The following ROBO2 variants were observed in gnomAD, a reference collection of about 807,000 sequenced individuals.
ROBO2 encodes the protein roundabout guidance receptor 2.
Under a neutral mutation model 160.8 loss-of-function variants are expected in ROBO2, and 53 were observed. The ratio of observed to expected loss-of-function variants is 0.33; its 90% CI spans 0.26 to 0.41. The LOEUF (loss-of-function observed/expected upper bound fraction) is 0.41. Among genes scored for constraint, ROBO2 ranks in the 10% least tolerant of loss-of-function variants. ROBO2 has a pLI of 1.00. For missense variants in ROBO2, 1,577 were observed against 1,722.4 expected, an observed-to-expected ratio of 0.92 and a Z score of 1.49; for synonymous variants, 664 against 611.7, an observed-to-expected ratio of 1.09 and a Z score of -1.26.
At chr3:76,261,394 G>A (rs191572823) in intron 2 of ROBO2, among the ~76,000 whole-genome samples, 11 of 151,806 alleles carry the variant, frequency 7.2e-5, no homozygotes, top group Non-Finnish European at 1.3e-4. Context: ...TGATTTTAAG[G>A]GTGGCACAAA....
chr3:76,506,575 TTC>T (rs2080810059), intron 2 of ROBO2, among the ~76,000 whole-genome samples: 1 of 152,206 alleles, frequency 6.6e-6, no homozygotes, highest in Non-Finnish European at 1.5e-5. Context: ...GCATTATTTT[TTC>T]TGTCTTTATT....
At position 76,887,878 on chromosome 3, in the gene ROBO2, C is replaced by A. The variant is rs372610494; in HGVS notation, c.110-210136C>A. Among the ~76,000 whole-genome samples the A allele has an allele frequency of 2.6e-4, 39 of 152,156 alleles. No individual in the cohort carries two copies. In the East Asian group the frequency reaches 4.3e-3, roughly 17 times the overall value. ...GAGAAGTTTGAGGAATAATTCATTACCTGGGAATTAAAGTAAACCTTGAGC... is the reference window on the plus strand; with the variant it reads ...GAGAAGTTTGAGGAATAATTCATTAACTGGGAATTAAAGTAAACCTTGAGC... On this transcript the variant is annotated intron_variant, in intron 2 of 26. Transcript: ENST00000487694.
intron 2 of ROBO2, among the ~76,000 whole-genome samples, chr3:77,250,064 C>T (rs2090169368): frequency 1.3e-5 from 2 of 152,048 alleles, no homozygotes; most frequent in Admixed American, 1.3e-4. Flanking sequence ...TAAAATATTG[C>T]TATTACATAA....
intron 2 of ROBO2, among the ~76,000 whole-genome samples, chr3:77,356,784 TA>T (rs1245166435): frequency 6.6e-6 from 1 of 152,114 alleles, no homozygotes; most frequent in Non-Finnish European, 1.5e-5. Flanking sequence ...TTTTGACTAT[TA>T]AAAAATATAA....
chr3:76,766,484 T>C (rs2061581976), intron 2 of ROBO2, among the ~76,000 whole-genome samples: 1 of 151,654 alleles, frequency 6.6e-6, no homozygotes, highest in South Asian at 2.1e-4. Flanking sequence ...AATGACTTGC[T>C]TGAGAAATGA....
intron 2 of ROBO2, among the ~76,000 whole-genome samples, chr3:76,493,010 G>A (rs1483920150): frequency 6.6e-6 from 1 of 151,950 alleles, no homozygotes; most frequent in African/African-American, 2.4e-5. Context: ...CACAGTTGAA[G>A]TATTTGCACT....
At chr3:77,486,881 C>T (rs983428047) in intron 4 of ROBO2, among the ~76,000 whole-genome samples, 10 of 151,988 alleles carry the variant, frequency 6.6e-5, no homozygotes, top group Admixed American at 1.3e-4. Flanking sequence ...TTTGTCTTTT[C>T]GCTGGAAGCT....
rs2084466481 is a variant in ROBO2 at position 77,479,824 on chromosome 3, TCTTCGTTCC to T, written c.547-1273_547-1265del. Among the ~76,000 whole-genome samples, 5 of 152,316 alleles carry T rather than the reference TCTTCGTTCC, an allele frequency of 3.3e-5. No individual in the cohort carries two copies. The South Asian group carries it at 1.0e-3, about 32-fold the overall frequency. ...CAATTGGTTGACTCTCAGCTGGGTA[TCTTCGTTCC>T]CCTCCTTATGATCTCTAATTTTCCA... On this transcript the variant is annotated intron_variant, in intron 3 of 25. Coordinates refer to ENST00000461745, the Ensembl canonical transcript of ROBO2.
At chr3:76,159,637 T>C (rs1254059644) in intron 2 of ROBO2, among the ~76,000 whole-genome samples, 1 of 152,118 alleles carries the variant, frequency 6.6e-6, no homozygotes, top group African/African-American at 2.4e-5. Context: ...GTCTAGGTTT[T>C]CTGCTGTCTT....
At chr3:77,248,716 T>TGTGCGCTCCAGTTCCC (rs1461608316) in intron 2 of ROBO2, among the ~76,000 whole-genome samples, 1 of 151,126 alleles carries the variant, frequency 6.6e-6, no homozygotes, top group Non-Finnish European at 1.5e-5. Flanking sequence ...GTCCAGGGCC[T>TGTGCGCTCCAGTTCCC]GTGCGCTCCA....
chr3:76,344,835 C>T (rs147751986), intron 2 of ROBO2, among the ~76,000 whole-genome samples: 440 of 152,234 alleles, frequency 2.9e-3, no homozygotes, highest in Middle Eastern at 0.01. Context: ...ATAACAGTGA[C>T]TGTGGACAAA....
intron 2 of ROBO2, among the ~76,000 whole-genome samples, chr3:76,675,541 C>T (rs1404939947): frequency 6.6e-6 from 1 of 152,132 alleles, no homozygotes; most frequent in Non-Finnish European, 1.5e-5. Flanking sequence ...TTACAATGAC[C>T]TGCAAATTAA....
At chr3:76,385,413 A>C (rs2076835825) in intron 2 of ROBO2, among the ~76,000 whole-genome samples, 1 of 152,176 alleles carries the variant, frequency 6.6e-6, no homozygotes, top group Admixed American at 6.5e-5. Context: ...CATATCTGAG[A>C]TGGTGCCAAT....
At chr3:76,667,909 C>T (rs998811771) in intron 2 of ROBO2, among the ~76,000 whole-genome samples, 1 of 151,804 alleles carries the variant, frequency 6.6e-6, no homozygotes, top group African/African-American at 2.4e-5. Context: ...GAATAAAGCA[C>T]AGTAAGTTTG....
At chr3:75,910,188 G>T (rs1946510019) in intron 1 of ROBO2, among the ~76,000 whole-genome samples, 1 of 152,226 alleles carries the variant, frequency 6.6e-6, no homozygotes, top group Non-Finnish European at 1.5e-5. Flanking sequence ...AGCTCTGATG[G>T]CCCAGAAAAG....
At chr3:76,713,962 T>TAAA (rs34540306) in intron 2 of ROBO2, among the ~76,000 whole-genome samples, 4 of 147,992 alleles carry the variant, frequency 2.7e-5, no homozygotes, top group East Asian at 2.0e-4. Context: ...ATTTTAAAAG[T>TAAA]AAAAAAAAAA....
At chr3:77,352,758 G>A (rs2068532642) in intron 2 of ROBO2, among the ~76,000 whole-genome samples, 1 of 152,072 alleles carries the variant, frequency 6.6e-6, no homozygotes, top group Non-Finnish European at 1.5e-5. Flanking sequence ...GTCACCAGTG[G>A]GAATGAAGTC....
At chr3:76,916,501 C>T (rs557292595) in intron 2 of ROBO2, among the ~76,000 whole-genome samples, 1 of 151,100 alleles carries the variant, frequency 6.6e-6, no homozygotes, top group Non-Finnish European at 1.5e-5. Flanking sequence ...GGCACCATGC[C>T]CCACTAATTT....
chr3:76,811,838 TTTCCTTCCTTCC>T (rs59218956), intron 2 of ROBO2, among the ~76,000 whole-genome samples: 63 of 33,464 alleles, frequency 1.9e-3, no homozygotes, highest in African/African-American at 6.0e-3. Context: ...TCCTTCCTTC[TTTCCTTCCTTCC>T]TTCCTTCCTT....
Sources: allele counts gnomAD v4.1 joint callset (sites outside exome capture counted in the v4.1 genomes callset), GRCh38; gene constraint gnomAD v4.1.1; transcripts MANE v1.5; gene names NCBI Gene and HGNC (gene_info 2026-07-23, HGNC 2026-07-21).